Variants in DLGAP1 observed in about 807,000 individuals in gnomAD.
DLGAP1 encodes the protein DLG associated protein 1, also known as disks large-associated protein 1.
A neutral mutation model predicts 90.8 loss-of-function variants in DLGAP1; 11 were observed. That is an observed-to-expected ratio of 0.12 (90% CI 0.08 to 0.20). The LOEUF (loss-of-function observed/expected upper bound fraction) is 0.20. Ranked by LOEUF, DLGAP1 falls within the 10% of genes least tolerant of loss-of-function variation. The probability of loss-of-function intolerance (pLI) is 1.00; values close to 1 mark genes in which losing one functional copy is unlikely to be tolerated. For missense variants in DLGAP1, 1,050 were observed against 1,333.8 expected, an observed-to-expected ratio of 0.79 and a Z score of 3.31; for synonymous variants, 558 against 540.7, an observed-to-expected ratio of 1.03 and a Z score of -0.44.
At chr18:3,726,950 C>T (rs1224762458) in intron 7 of DLGAP1, among the ~76,000 whole-genome samples, 1 of 152,158 alleles carries the variant, frequency 6.6e-6, no homozygotes, top group Middle Eastern at 3.2e-3. Flanking sequence ...TGGGTGTTTT[C>T]CCACATAGCA....
intron 1 of DLGAP1, among the ~76,000 whole-genome samples, chr18:4,154,409 G>A (rs1006824182): frequency 1.3e-5 from 2 of 151,784 alleles, no homozygotes; most frequent in African/African-American, 4.8e-5. Context: ...AAGTTAGTTT[G>A]TTTCTGTAAC....
intron 7 of DLGAP1, among the ~76,000 whole-genome samples, chr18:3,631,933 G>A (rs116372874): frequency 0.01 from 1,559 of 152,080 alleles, 34 homozygotes; most frequent in African/African-American, 0.036. Context: ...ACAGGTGTGT[G>A]CCACCACACC....
intron 1 of DLGAP1, among the ~76,000 whole-genome samples, chr18:4,258,193 C>T (rs981660189): frequency 1.3e-5 from 2 of 151,972 alleles, no homozygotes; most frequent in South Asian, 2.1e-4. Context: ...TGCGCCACTA[C>T]GCCTGGCTAA....
chr18:4,288,000 T>G (rs1189956306), intron 1 of DLGAP1, among the ~76,000 whole-genome samples: 1 of 151,952 alleles, frequency 6.6e-6, no homozygotes, highest in South Asian at 2.1e-4. Flanking sequence ...TACAGGCTTG[T>G]GTTAAGAATT....
At chr18:3,977,994 T>C (rs2073634480) in intron 3 of DLGAP1, 2 of 370,046 alleles carry the variant, frequency 5.4e-6, no homozygotes. Flanking sequence ...ACAGCCTTGG[T>C]AGCACCAGTA....
chr18:4,353,973 G>A (rs555280624), intron 1 of DLGAP1, among the ~76,000 whole-genome samples: 1 of 152,254 alleles, frequency 6.6e-6, no homozygotes, highest in Admixed American at 6.5e-5. Context: ...GGGTAAACGT[G>A]TACAACTGAG....
chr18:3,888,876 G>C (rs62083561), intron 3 of DLGAP1, among the ~76,000 whole-genome samples: 4 of 152,156 alleles, frequency 2.6e-5, no homozygotes, highest in Non-Finnish European at 5.9e-5. Context: ...ATGGGACCTC[G>C]GAGATATGCT....
intron 1 of DLGAP1, among the ~76,000 whole-genome samples, chr18:4,165,661 G>A (rs2076921019): frequency 6.6e-6 from 1 of 152,152 alleles, no homozygotes; most frequent in Non-Finnish European, 1.5e-5. Flanking sequence ...GGAAGGTAAA[G>A]ACACCTGAAT....
At chr18:3,827,910 G>C (rs957697514) in intron 4 of DLGAP1, among the ~76,000 whole-genome samples, 4 of 152,172 alleles carry the variant, frequency 2.6e-5, no homozygotes, top group Non-Finnish European at 4.4e-5. Flanking sequence ...ATTAATCAGA[G>C]AGACACTGTT....
intron 3 of DLGAP1, among the ~76,000 whole-genome samples, chr18:3,960,456 G>A (rs1419404836): frequency 6.6e-6 from 1 of 152,100 alleles, no homozygotes; most frequent in Non-Finnish European, 1.5e-5. Context: ...CCAGCTAATG[G>A]GGGTTGGGGA....
chr18:3,829,511 A>AG (rs2067917225), intron 4 of DLGAP1, among the ~76,000 whole-genome samples: 1 of 152,040 alleles, frequency 6.6e-6, no homozygotes. Flanking sequence ...GCCTGTGTAT[A>AG]GGGGACTGTG....
chr18:4,419,553 A>G (rs1028525024), intron 1 of DLGAP1, among the ~76,000 whole-genome samples: 3 of 152,194 alleles, frequency 2.0e-5, no homozygotes, highest in African/African-American at 7.2e-5. Context: ...TTGTGCTAAA[A>G]TATAACTGAC....
At chr18:3,920,577 A>G (rs1261771838) in intron 3 of DLGAP1, among the ~76,000 whole-genome samples, 3 of 151,982 alleles carry the variant, frequency 2.0e-5, no homozygotes, top group African/African-American at 2.4e-5. Flanking sequence ...TTTTTCCCCA[A>G]TAGCTAGGAG....
intron 7 of DLGAP1, chr18:3,594,389 A>G (rs2056460236): frequency 6.7e-6 from 1 of 148,640 alleles, no homozygotes; most frequent in South Asian, 2.2e-4. Context: ...GTAAAAAACA[A>G]AACATTGACG....
chr18:3,619,512 G>C (rs2058015230), intron 7 of DLGAP1, among the ~76,000 whole-genome samples: 1 of 152,122 alleles, frequency 6.6e-6, no homozygotes. Flanking sequence ...AGACTGAGTA[G>C]GTGTTTGGTG....
At chr18:4,328,373 C>T (rs9954373) in intron 1 of DLGAP1, among the ~76,000 whole-genome samples, 6,728 of 151,970 alleles carry the variant, frequency 0.044, 330 homozygotes, top group African/African-American at 0.12. Context: ...TTGTATGAGT[C>T]AATAATCTGT....
chr18:3,981,014 A>G (rs1160306278), intron 3 of DLGAP1, among the ~76,000 whole-genome samples: 1 of 152,196 alleles, frequency 6.6e-6, no homozygotes, highest in Non-Finnish European at 1.5e-5. Flanking sequence ...TAAAGACAAG[A>G]TCTAGTTCTT....
chr18:4,315,699 G>C (rs1486875732), intron 1 of DLGAP1, among the ~76,000 whole-genome samples: 1 of 152,070 alleles, frequency 6.6e-6, no homozygotes, highest in East Asian at 1.9e-4. Context: ...ATTCAGCCCA[G>C]GTATCAGATA....
intron 2 of DLGAP1, among the ~76,000 whole-genome samples, chr18:4,061,328 T>C (rs988576534): frequency 6.6e-6 from 1 of 152,198 alleles, no homozygotes; most frequent in African/African-American, 2.4e-5. Context: ...TTAAGTTAGA[T>C]AGGATAAAGC....
Sources: gnomAD v4.1 joint callset for allele counts (sites outside exome capture counted in the v4.1 genomes callset) on GRCh38, gnomAD v4.1.1 for gene constraint, MANE v1.5 for transcripts, NCBI Gene and HGNC (gene_info 2026-07-23, HGNC 2026-07-21) for gene names.